FSHR: variants seen among roughly 807,000 people sequenced by gnomAD.
FSHR encodes follicle-stimulating hormone receptor.
FSHR carries 46 observed loss-of-function variants against 52.1 expected under a neutral mutation model. The ratio of observed to expected loss-of-function variants is 0.88; its 90% CI spans 0.70 to 1.13. The LOEUF is 1.13. Among genes scored for constraint, FSHR ranks in the 50% most tolerant of loss-of-function variants. The pLI, the probability that FSHR is intolerant of heterozygous loss-of-function variation, is 0.00. For missense variants in FSHR, 964 were observed against 834.6 expected (o/e 1.16, Z -1.91); for synonymous variants, 399 against 309.6 (o/e 1.29, Z -3.03).
chr2:49,124,753 C>T (rs1671941618), intron 1 of FSHR, among the ~76,000 whole-genome samples: 1 of 152,160 alleles, frequency 6.6e-6, no homozygotes, highest in Non-Finnish European at 1.5e-5. Context: ...TTAATAGTCT[C>T]CTAAATCATC....
chr2:48,990,523 A>G, intron 5 of FSHR, 43 bp downstream of exon 5: 1 of 1,257,266 alleles, frequency 8.0e-7, no homozygotes, highest in Non-Finnish European at 1.2e-6. Context: ...GGCAAGACAG[A>G]TACTGAGTAA....
chr2:49,126,304 C>T (rs1001587002), intron 1 of FSHR, among the ~76,000 whole-genome samples: 4 of 127,182 alleles, frequency 3.1e-5, no homozygotes, highest in South Asian at 3.0e-4. Flanking sequence ...AGCACATGCG[C>T]GTGCACACAC....
chr2:49,006,426 ATCTAGTCATACTCTTTC>A (rs1399786365), intron 4 of FSHR, among the ~76,000 whole-genome samples: 2 of 151,890 alleles, frequency 1.3e-5, no homozygotes. Context: ...ATCCATCCAA[ATCTAGTCATACTCTTTC>A]TCAGTACACA....
rs768297283 is a variant in FSHR at position 48,988,934 on chromosome 2, A to G, written c.524+43T>C. Reference sequence around the variant, plus strand: ...TTATGAGAAAGAGATCACTAAATGAAAAATCAAATGTTACTCTGTTGGATT... The same window carrying G: ...TTATGAGAAAGAGATCACTAAATGAGAAATCAAATGTTACTCTGTTGGATT... On this transcript the variant is annotated intron_variant, in intron 6 of 9. Coordinates refer to ENST00000406846, the MANE Select transcript of FSHR (RefSeq NM_000145.4). 15 of 1,537,656 alleles carry G rather than the reference A, an allele frequency of 9.8e-6. No homozygotes were observed. The African/African-American group carries it at 2.0e-4, about 21-fold the overall frequency.
chr2:49,031,706 T>C (rs983597969), intron 2 of FSHR, among the ~76,000 whole-genome samples: 10 of 152,150 alleles, frequency 6.6e-5, no homozygotes, highest in African/African-American at 2.4e-4. Flanking sequence ...AGAGGTAGCA[T>C]TGTAGATCCA....
rs1195329672 is a variant in FSHR at position 49,069,518 on chromosome 2, C to G, written c.153-1228G>C. ...TATCTTCATTTATCTATTTGTGTAT[C>G]CATTTGTTTGTTTCTTCCTCCTAAC... On this transcript the variant is annotated intron_variant, in intron 1 of 9. Coordinates refer to ENST00000406846, the MANE Select transcript of FSHR (RefSeq NM_000145.4). Among the ~76,000 whole-genome samples the G allele has an allele frequency of 2.6e-5, 4 of 152,124 alleles. No homozygotes were observed. The East Asian group carries it at 7.7e-4, about 29-fold the overall frequency.
At chr2:49,063,599 A>C (rs1248630630) in intron 2 of FSHR, among the ~76,000 whole-genome samples, 1 of 152,118 alleles carries the variant, frequency 6.6e-6, no homozygotes, top group Non-Finnish European at 1.5e-5. Flanking sequence ...GTTCTCACTC[A>C]TATGTGGAAG....
chr2:48,993,261 C>A (rs1481899115), intron 4 of FSHR, among the ~76,000 whole-genome samples: 1 of 152,164 alleles, frequency 6.6e-6, no homozygotes, highest in Non-Finnish European at 1.5e-5. Context: ...TGCATATCCT[C>A]CTGAATGTCT....
chr2:49,023,206 A>G (rs552470218), intron 2 of FSHR, among the ~76,000 whole-genome samples: 2 of 152,208 alleles, frequency 1.3e-5, no homozygotes, highest in Non-Finnish European at 2.9e-5. Flanking sequence ...AGCTTCTCAC[A>G]AGATCTTTTT....
In FSHR at chr2:49,060,196, G is replaced by A. The variant is rs114221130; in HGVS notation, c.224+8023C>T. On this transcript the variant is annotated intron_variant, in intron 2 of 9. Coordinates refer to ENST00000406846, the MANE Select transcript of FSHR (RefSeq NM_000145.4). ...ATGGTTATTAAACGAAAAAAATACC[G>A]GTGAGGATGCAGAGAAAAAGGTACC... Among the ~76,000 whole-genome samples, 264 of 152,122 alleles carry A rather than the reference G, an allele frequency of 1.7e-3. 1 individual carries two copies. Among genetic ancestry groups the A allele is most frequent in the African/African-American group, 5.9e-3 (243 of 41,488 alleles).
chr2:48,988,892 A>C, intron 6 of FSHR, 85 bp downstream of exon 6: 1 of 1,165,264 alleles, frequency 8.6e-7, no homozygotes, highest in South Asian at 1.3e-5. Context: ...TTACCCAAAC[A>C]AAAAAGGAGC....
rs1674264840 is a variant in FSHR at position 48,962,446 on chromosome 2, GATATCTGA to G, written c.*279_*286del. ...TGCTTATTTAACAGGGATCACTTGA[GATATCTGA>G]ACAAAAGCACTTTGAACATAACGTG... is the stretch of plus-strand genomic sequence containing the variant. On this transcript the variant is annotated 3_prime_UTR_variant, in exon 10 of 10. Transcript: ENST00000406846. 2.6e-6 allele frequency: 1 copy of G among 387,224 alleles called. No homozygotes were observed. Among genetic ancestry groups the G allele is most frequent in the African/African-American group, 2.1e-5 (1 of 48,578 alleles). The allele number at this position is 387,224 out of a possible 1,614,324, so 24.0% of individuals were successfully genotyped here.
At chr2:49,014,273 T>A (rs1019250646) in intron 4 of FSHR, among the ~76,000 whole-genome samples, 8 of 152,126 alleles carry the variant, frequency 5.3e-5, no homozygotes, top group East Asian at 1.9e-4. Context: ...AGGTTTAAAA[T>A]GCCCTGAGAA....
At chr2:49,083,494 A>C (rs1390726664) in intron 1 of FSHR, among the ~76,000 whole-genome samples, 2 of 147,218 alleles carry the variant, frequency 1.4e-5, no homozygotes, top group East Asian at 4.0e-4. Flanking sequence ...ACACATAACA[A>C]TATTAACTTT....
chr2:49,089,834 AG>A (rs1670535607), intron 1 of FSHR, among the ~76,000 whole-genome samples: 1 of 152,184 alleles, frequency 6.6e-6, no homozygotes, highest in Non-Finnish European at 1.5e-5. Flanking sequence ...TGGAGAGCTG[AG>A]TCACTGCTAG....
intron 2 of FSHR, among the ~76,000 whole-genome samples, chr2:49,050,493 C>T (rs1289825831): frequency 6.6e-6 from 1 of 152,138 alleles, no homozygotes; most frequent in Non-Finnish European, 1.5e-5. Flanking sequence ...TTTAATTTTC[C>T]TGTCAATCCC....
At chr2:49,038,610 G>A (rs1464521115) in intron 2 of FSHR, among the ~76,000 whole-genome samples, 1 of 137,218 alleles carries the variant, frequency 7.3e-6, no homozygotes, top group East Asian at 2.1e-4. Context: ...GGGCGACAGA[G>A]CAAGACTCTG....
intron 1 of FSHR, among the ~76,000 whole-genome samples, chr2:49,082,437 G>T (rs1470723594): frequency 1.3e-5 from 2 of 152,160 alleles, no homozygotes; most frequent in African/African-American, 4.8e-5. Flanking sequence ...AAAGCAGAGC[G>T]ACTCTCCTCC....
intron 1 of FSHR, among the ~76,000 whole-genome samples, chr2:49,128,146 G>A (rs573895021): frequency 4.0e-5 from 6 of 151,854 alleles, no homozygotes; most frequent in African/African-American, 1.4e-4. Flanking sequence ...CCTCCCAAGT[G>A]CTAGGATTGC....
Sources: gnomAD v4.1 joint callset for allele counts (sites outside exome capture counted in the v4.1 genomes callset) on GRCh38, gnomAD v4.1.1 for gene constraint, MANE v1.5 for transcripts, NCBI Gene and HGNC (gene_info 2026-07-23, HGNC 2026-07-21) for gene names.